MAGI1: variants seen among roughly 807,000 people sequenced by gnomAD.
MAGI1 encodes membrane associated guanylate kinase, WW and PDZ domain containing 1, also known as membrane-associated guanylate kinase, WW and PDZ domain-containing protein 1.
In MAGI1, 58 loss-of-function variants were observed where a neutral mutation model predicts 139.9. The observed-to-expected ratio is 0.41, with a 90% confidence interval of 0.34 to 0.52. The LOEUF is 0.52. MAGI1 is among the 20% of genes least tolerant of loss of function. The pLI, the probability that MAGI1 is intolerant of heterozygous loss-of-function variation, is 0.12. For missense variants in MAGI1, 1,874 were observed against 1,901.6 expected, an observed-to-expected ratio of 0.99 and a Z score of 0.27; for synonymous variants, 812 against 737.9, an observed-to-expected ratio of 1.10 and a Z score of -1.63.
intron 1 of MAGI1, among the ~76,000 whole-genome samples, chr3:65,831,988 A>T (rs935757194): frequency 4.1e-4 from 63 of 152,332 alleles, no homozygotes; most frequent in African/African-American, 1.4e-3. Context: ...TTGCGCCAAT[A>T]ATCTCGAGAG....
chr3:65,487,794 C>T (rs760973168), intron 3 of MAGI1, among the ~76,000 whole-genome samples: 3 of 152,212 alleles, frequency 2.0e-5, no homozygotes, highest in Non-Finnish European at 4.4e-5. Flanking sequence ...GAGCTTAACT[C>T]TTAAGACCTG....
chr3:65,383,977 A>G (rs373615664), intron 14 of MAGI1, among the ~76,000 whole-genome samples: 1 of 152,242 alleles, frequency 6.6e-6, no homozygotes, highest in Non-Finnish European at 1.5e-5. Context: ...CACACCACAA[A>G]GCAGGTGTCC....
chr3:65,603,058 T>C (rs1009507348), intron 2 of MAGI1, among the ~76,000 whole-genome samples: 2 of 152,116 alleles, frequency 1.3e-5, no homozygotes, highest in African/African-American at 4.8e-5. Context: ...AAAATGTGAA[T>C]AGAGCAATGA....
At chr3:65,494,633 A>G (rs1010552926) in intron 2 of MAGI1, among the ~76,000 whole-genome samples, 2 of 152,238 alleles carry the variant, frequency 1.3e-5, no homozygotes, top group African/African-American at 2.4e-5. Context: ...TTTAAGGTCA[A>G]CGTTTTCCTA....
intron 1 of MAGI1, among the ~76,000 whole-genome samples, chr3:66,014,939 A>T (rs2067542747): frequency 6.6e-6 from 1 of 152,108 alleles, no homozygotes; most frequent in Non-Finnish European, 1.5e-5. Context: ...CCTTCCCCTT[A>T]AGGCCAGTTC....
At chr3:65,817,873 T>C (rs1406424220) in intron 1 of MAGI1, among the ~76,000 whole-genome samples, 1 of 152,100 alleles carries the variant, frequency 6.6e-6, no homozygotes, top group Non-Finnish European at 1.5e-5. Context: ...AATGGTCTAA[T>C]AAAAAAGAAA....
rs572064579 is a variant in MAGI1 at position 65,984,350 on chromosome 3, C to T, written c.313+53646G>A. Among the ~76,000 whole-genome samples the T allele has an allele frequency of 4.6e-5, 7 of 152,126 alleles. No homozygotes were observed. The East Asian group carries it at 1.2e-3, about 25-fold the overall frequency. On this transcript the variant is annotated intron_variant, in intron 1 of 22. Coordinates refer to ENST00000402939, the MANE Select transcript of MAGI1 (RefSeq NM_001033057.2). ...GAATCTGGTGGTTAGTAGAAAGATG[C>T]GGTTTTGCATTCATGGATCCTCAAA... is the stretch of plus-strand genomic sequence containing the variant.
intron 1 of MAGI1, among the ~76,000 whole-genome samples, chr3:65,854,776 C>A (rs1295322637): frequency 6.6e-6 from 1 of 152,240 alleles, no homozygotes; most frequent in Non-Finnish European, 1.5e-5. Context: ...GCAGTTCCTG[C>A]AAACCTCCCA....
At chr3:65,993,480 T>C (rs2066284644) in intron 1 of MAGI1, among the ~76,000 whole-genome samples, 1 of 152,174 alleles carries the variant, frequency 6.6e-6, no homozygotes, top group Admixed American at 6.5e-5. Context: ...GAAACACACT[T>C]CACACATTAG....
In MAGI1 at chr3:65,832,675, C is replaced by T. The variant is rs929158276; in HGVS notation, c.313+205321G>A. 4.6e-5 allele frequency among the ~76,000 whole-genome samples: 7 copies of T among 152,094 alleles called. No homozygotes were observed. In the South Asian group the frequency reaches 1.5e-3, roughly 32 times the overall value. On this transcript the variant is annotated intron_variant, in intron 1 of 22. Coordinates refer to ENST00000402939, the MANE Select transcript of MAGI1 (RefSeq NM_001033057.2). ...GACCATCTCTCTCAGAAGACTTGAG[C>T]CTCTTATTTCTATACCTCCACATCC...
intron 14 of MAGI1, 141 bp from the exon 15 acceptor site, chr3:65,383,764 C>G: frequency 1.5e-6 from 1 of 677,014 alleles, no homozygotes; most frequent in Non-Finnish European, 2.6e-6. Context: ...AAACAAAATA[C>G]TCTGAACAGG....
intron 13 of MAGI1, among the ~76,000 whole-genome samples, chr3:65,399,480 C>G (rs1044492726): frequency 6.6e-6 from 1 of 152,170 alleles, no homozygotes; most frequent in Non-Finnish European, 1.5e-5. Flanking sequence ...CCAGTGTGTG[C>G]CAGCAATGCT....
chr3:65,787,188 G>A (rs2039453793), intron 1 of MAGI1, among the ~76,000 whole-genome samples: 1 of 152,066 alleles, frequency 6.6e-6, no homozygotes, highest in African/African-American at 2.4e-5. Flanking sequence ...CAAAAGTTAG[G>A]CATGGAAAGG....
chr3:65,526,813 T>C (rs1302599001), intron 2 of MAGI1, among the ~76,000 whole-genome samples: 1 of 152,076 alleles, frequency 6.6e-6, no homozygotes, highest in Non-Finnish European at 1.5e-5. Flanking sequence ...ATTCCTACAA[T>C]CCTCTAATAG....
At position 65,627,430 on chromosome 3, in the gene MAGI1, A is replaced by AGGAAAATG. The variant is rs1282342741; in HGVS notation, c.314-5350_314-5343dup. Among the ~76,000 whole-genome samples, 12 of 141,280 alleles carry AGGAAAATG rather than the reference A, an allele frequency of 8.5e-5. No homozygotes were observed. The South Asian group carries it at 2.0e-3, about 23-fold the overall frequency. The allele number at this position is 141,280 out of a possible 152,430, so 92.7% of individuals were successfully genotyped here. A position where few individuals can be genotyped will look rare whatever the true frequency, so the allele number is the denominator to read the frequency against. On this transcript the variant is annotated intron_variant, in intron 1 of 22. Transcript: ENST00000402939. ...CTAAGACAATTTTATATTTTAACTG[A>AGGAAAATG]GGAAAATGGGGCTTAGATGCTCTCT...
chr3:65,397,609 G>A (rs1314055788), intron 13 of MAGI1, among the ~76,000 whole-genome samples: 3 of 151,540 alleles, frequency 2.0e-5, no homozygotes, highest in African/African-American at 7.3e-5. Context: ...GACAATAATA[G>A]CTAAGTAAAG....
intron 1 of MAGI1, among the ~76,000 whole-genome samples, chr3:65,644,242 T>C (rs774490250): frequency 4.6e-5 from 7 of 152,214 alleles, no homozygotes; most frequent in South Asian, 2.1e-4. Flanking sequence ...CAGATTTTAA[T>C]TGAAAATCAC....
At chr3:65,836,586 T>C (rs890991273) in intron 1 of MAGI1, among the ~76,000 whole-genome samples, 16 of 149,906 alleles carry the variant, frequency 1.1e-4, no homozygotes, top group Admixed American at 7.9e-4. Context: ...TTTGGGAGGC[T>C]GAGGCGGGTG....
chr3:65,497,896 G>T (rs562173890), intron 2 of MAGI1, among the ~76,000 whole-genome samples: 66 of 152,224 alleles, frequency 4.3e-4, no homozygotes, highest in Middle Eastern at 3.4e-3. Context: ...GAGTGGGAAG[G>T]CGGGCAAGTC....
Sources: allele counts gnomAD v4.1 joint callset (sites outside exome capture counted in the v4.1 genomes callset), GRCh38; gene constraint gnomAD v4.1.1; transcripts MANE v1.5; gene names NCBI Gene and HGNC (gene_info 2026-07-23, HGNC 2026-07-21).